Variants in CSMD1 observed in about 807,000 individuals in gnomAD.
CSMD1 encodes CUB and sushi domain-containing protein 1.
A neutral mutation model predicts 417.5 loss-of-function variants in CSMD1; 213 were observed. That is an observed-to-expected ratio of 0.51 (90% CI 0.46 to 0.57). The LOEUF (loss-of-function observed/expected upper bound fraction) is 0.57, where lower values mean the gene tolerates loss of function less well. Ranked by LOEUF, CSMD1 falls within the 20% of genes least tolerant of loss-of-function variation. The pLI is 0.00. For synonymous variants in CSMD1, 2,862 were observed against 1,736.8 expected (o/e 1.65, Z -16.11); for missense variants, 6,923 against 4,529.7 (o/e 1.53, Z -15.17).
intron 5 of CSMD1, among the ~76,000 whole-genome samples, chr8:3,855,522 G>A (rs549353771): frequency 1.3e-5 from 2 of 152,018 alleles, no homozygotes; most frequent in Non-Finnish European, 2.9e-5. Context: ...TTTTTTAATC[G>A]CCATGTTGCC....
chr8:4,285,690 C>A (rs1341144251), intron 3 of CSMD1, among the ~76,000 whole-genome samples: 1 of 152,176 alleles, frequency 6.6e-6, no homozygotes. Flanking sequence ...AAGAATGGAG[C>A]TTTCCAGAAC....
intron 1 of CSMD1, among the ~76,000 whole-genome samples, chr8:4,696,421 TCTC>T (rs1283419626): frequency 6.6e-6 from 1 of 152,174 alleles, no homozygotes; most frequent in Non-Finnish European, 1.5e-5. Flanking sequence ...ACATCCTGCT[TCTC>T]CTATTTCTCT....
intron 1 of CSMD1, among the ~76,000 whole-genome samples, chr8:4,736,978 G>A (rs1216133284): frequency 6.6e-6 from 1 of 152,136 alleles, no homozygotes; most frequent in African/African-American, 2.4e-5. Flanking sequence ...TCTCATGGCT[G>A]CTTCTTTATA....
chr8:4,451,655 C>T (rs74676900), intron 2 of CSMD1, among the ~76,000 whole-genome samples: 1 of 151,936 alleles, frequency 6.6e-6, no homozygotes, highest in Non-Finnish European at 1.5e-5. Context: ...GGATACATTC[C>T]TTAGTCAATT....
intron 1 of CSMD1, among the ~76,000 whole-genome samples, chr8:4,674,358 G>C (rs1805542437): frequency 6.6e-6 from 1 of 152,122 alleles, no homozygotes; most frequent in African/African-American, 2.4e-5. Context: ...GAAATAGATA[G>C]GTTGATGCCA....
At chr8:3,999,469 G>C (rs190113457) in intron 4 of CSMD1, among the ~76,000 whole-genome samples, 3 of 152,234 alleles carry the variant, frequency 2.0e-5, no homozygotes, top group Non-Finnish European at 4.4e-5. Context: ...ATTTTGGCAG[G>C]ATCTAAGCCT....
At chr8:4,990,262 T>G (rs1563943596) in intron 1 of CSMD1, among the ~76,000 whole-genome samples, 2 of 152,258 alleles carry the variant, frequency 1.3e-5, no homozygotes. Flanking sequence ...TGAACAGTTC[T>G]GATTTGAAGT....
intron 1 of CSMD1, among the ~76,000 whole-genome samples, chr8:4,741,284 C>G (rs557708386): frequency 4.0e-4 from 61 of 152,280 alleles, no homozygotes; most frequent in Non-Finnish European, 7.6e-4. Context: ...TTTATTATAT[C>G]ACAATGAAGA....
At chr8:3,253,109 A>C (rs1422471132) in intron 26 of CSMD1, among the ~76,000 whole-genome samples, 1 of 151,884 alleles carries the variant, frequency 6.6e-6, no homozygotes, top group African/African-American at 2.4e-5. Flanking sequence ...CAGTTCTTTT[A>C]ATTGTGATGC....
At chr8:4,660,511 A>G (rs1323493264) in intron 1 of CSMD1, among the ~76,000 whole-genome samples, 1 of 152,132 alleles carries the variant, frequency 6.6e-6, no homozygotes, top group African/African-American at 2.4e-5. Flanking sequence ...TTGCAGATAT[A>G]GAGAAGATTA....
intron 2 of CSMD1, among the ~76,000 whole-genome samples, chr8:4,513,564 G>C (rs903003953): frequency 1.3e-5 from 2 of 152,240 alleles, no homozygotes; most frequent in Admixed American, 6.5e-5. Flanking sequence ...ATCATATCAA[G>C]TGACACACTG....
chr8:3,959,951 G>T (rs1043336968), intron 5 of CSMD1, among the ~76,000 whole-genome samples: 1 of 152,156 alleles, frequency 6.6e-6, no homozygotes, highest in Non-Finnish European at 1.5e-5. Flanking sequence ...TTGATCATGT[G>T]GTACTTGAAC....
chr8:4,921,882 C>G (rs926678204), intron 1 of CSMD1, among the ~76,000 whole-genome samples: 5 of 152,314 alleles, frequency 3.3e-5, no homozygotes, highest in African/African-American at 1.2e-4. Flanking sequence ...ACTGTATTCA[C>G]TCAGAATTGA....
intron 1 of CSMD1, among the ~76,000 whole-genome samples, chr8:4,899,156 C>G (rs1007173249): frequency 6.6e-6 from 1 of 152,114 alleles, no homozygotes; most frequent in African/African-American, 2.4e-5. Flanking sequence ...TGAGCTAAAA[C>G]CTTTCTCTCA....
chr8:3,160,176 T>C (rs752540672), intron 38 of CSMD1, among the ~76,000 whole-genome samples: 22 of 152,076 alleles, frequency 1.4e-4, no homozygotes, highest in African/African-American at 4.6e-4. Context: ...TAGGCTGGAG[T>C]GCAGTGGTGC....
chr8:3,675,189 C>G (rs922869883), intron 7 of CSMD1, among the ~76,000 whole-genome samples: 46 of 152,288 alleles, frequency 3.0e-4, no homozygotes, highest in African/African-American at 9.9e-4. Flanking sequence ...GGCTCCTTTT[C>G]TCCTCACAGA....
At position 3,618,816 on chromosome 8, in the gene CSMD1, C is replaced by G. The variant is rs111704593; in HGVS notation, c.1010-2019G>C. 3.6e-3 allele frequency among the ~76,000 whole-genome samples: 549 copies of G among 152,320 alleles called. 3 individuals carry two copies. Among genetic ancestry groups the G allele is most frequent in the African/African-American group, 0.013 (532 of 41,578 alleles). On this transcript the variant is annotated intron_variant, in intron 7 of 69. Transcript: ENST00000635120. ...TACTCTCCCTTGTTTCATACCATGACTTGCGTGGCACAGTGCAGTTGAGAG... is the reference window on the plus strand; with the variant it reads ...TACTCTCCCTTGTTTCATACCATGAGTTGCGTGGCACAGTGCAGTTGAGAG...
chr8:4,293,762 T>C (rs1485790127), intron 3 of CSMD1, among the ~76,000 whole-genome samples: 1 of 152,206 alleles, frequency 6.6e-6, no homozygotes, highest in East Asian at 1.9e-4. Flanking sequence ...TTGTCTTATA[T>C]CAGTTTGGTA....
intron 3 of CSMD1, among the ~76,000 whole-genome samples, chr8:4,105,564 C>G (rs892708300): frequency 2.0e-5 from 3 of 152,084 alleles, no homozygotes; most frequent in Non-Finnish European, 4.4e-5. Flanking sequence ...GACAAATAAG[C>G]AAATTCATTG....
Sources: gnomAD v4.1 joint callset for allele counts (sites outside exome capture counted in the v4.1 genomes callset) on GRCh38, gnomAD v4.1.1 for gene constraint, MANE v1.5 for transcripts, NCBI Gene and HGNC (gene_info 2026-07-23, HGNC 2026-07-21) for gene names.